ERBIN: variants seen among roughly 807,000 people sequenced by gnomAD.
ERBIN encodes erbb2 interacting protein, also known as densin-180-like protein.
ERBIN carries 60 observed loss-of-function variants against 158.4 expected under a neutral mutation model. The ratio of observed to expected loss-of-function variants is 0.38; its 90% confidence interval spans 0.31 to 0.47. The LOEUF (loss-of-function observed/expected upper bound fraction) is 0.47. Ranked by LOEUF, ERBIN falls within the 20% of genes least tolerant of loss-of-function variation. The pLI is 0.99. For missense variants in ERBIN, 1,610 were observed against 1,648.0 expected (o/e 0.98, Z 0.40); for synonymous variants, 594 against 557.2 (o/e 1.07, Z -0.93).
At chr5:65,992,654 C>T (rs1029552588) in intron 2 of ERBIN, 56 bp from the exon 3 acceptor site, 12 of 1,295,694 alleles carry the variant, frequency 9.3e-6, no homozygotes, top group Non-Finnish European at 1.2e-5. Context: ...ATGATTTGTT[C>T]TGAAAAACCG....
At chr5:66,062,559 G>A (rs193055834) in intron 21 of ERBIN, among the ~76,000 whole-genome samples, 13 of 152,184 alleles carry the variant, frequency 8.5e-5, no homozygotes, top group Non-Finnish European at 1.6e-4. Context: ...GTCATTCTCC[G>A]TCCAGCTTTG....
intron 1 of ERBIN, among the ~76,000 whole-genome samples, chr5:65,960,290 G>T (rs1223367485): frequency 6.6e-6 from 1 of 152,198 alleles, no homozygotes; most frequent in Admixed American, 6.5e-5. Flanking sequence ...GTGCAGAAAT[G>T]AGGCTATAGC....
At chr5:65,934,072 A>G (rs1335979969) in intron 1 of ERBIN, among the ~76,000 whole-genome samples, 1 of 151,864 alleles carries the variant, frequency 6.6e-6, no homozygotes, top group African/African-American at 2.4e-5. Context: ...AATTTTTTGT[A>G]TTTTTAGTAG....
chr5:65,978,617 C>T (rs901155530), intron 1 of ERBIN, among the ~76,000 whole-genome samples: 3 of 152,114 alleles, frequency 2.0e-5, no homozygotes, highest in African/African-American at 4.8e-5. Flanking sequence ...TCAGTATAGG[C>T]GGATAATATG....
intron 4 of ERBIN, among the ~76,000 whole-genome samples, chr5:66,003,699 G>T (rs1185106969): frequency 1.3e-5 from 2 of 152,064 alleles, no homozygotes; most frequent in Non-Finnish European, 2.9e-5. Context: ...AAATAGTTTT[G>T]TTCAGCAGGA....
At position 66,053,974 on chromosome 5, in the gene ERBIN, A is replaced by G; in HGVS notation, c.2656A>G (p.Ile886Val). The G allele has an allele frequency of 1.2e-6, 2 of 1,614,162 alleles. No individual in the cohort carries two copies. Among genetic ancestry groups the G allele is most frequent in the South Asian group, 1.1e-5 (1 of 91,086 alleles). Residue 886 changes from isoleucine (I) to valine (V), a missense_variant, in exon 21 of 26, where the codon ATT becomes GTT. Around this residue, in one of 2 missense-constraint regions of ERBIN, gnomAD observed 1,014 missense variants for 936.1 expected, o/e 1.08. Coordinates refer to ENST00000284037, the MANE Select transcript of ERBIN (RefSeq NM_001253697.2). Reference sequence around the variant, plus strand: ...GATTGGAGGGCTAAAAATCTATGATATTCTTAGTGATAATGGACCTCAGCA... The same window carrying G: ...GATTGGAGGGCTAAAAATCTATGATGTTCTTAGTGATAATGGACCTCAGCA... Reference protein sequence around the residue: ...MEIGGLKIYDILSDNGPQQPS... With the variant: ...MEIGGLKIYDVLSDNGPQQPS...
intron 1 of ERBIN, among the ~76,000 whole-genome samples, chr5:65,979,123 A>G (rs1333162864): frequency 6.6e-6 from 1 of 152,142 alleles, no homozygotes; most frequent in East Asian, 1.9e-4. Flanking sequence ...TCCCTGGGAA[A>G]TAACACTTAA....
chr5:65,976,428 G>A (rs976725981), intron 1 of ERBIN, among the ~76,000 whole-genome samples: 29 of 152,032 alleles, frequency 1.9e-4, no homozygotes, highest in Non-Finnish European at 3.8e-4. Flanking sequence ...AGCTGAGATC[G>A]CACCACTGTA....
At chr5:66,052,521 G>A (rs886531011) in intron 20 of ERBIN, among the ~76,000 whole-genome samples, 9 of 152,034 alleles carry the variant, frequency 5.9e-5, no homozygotes, top group Non-Finnish European at 1.0e-4. Context: ...TTATTGTTGG[G>A]AAAGCGGTAT....
chr5:65,941,894 C>T (rs971139916), intron 1 of ERBIN, among the ~76,000 whole-genome samples: 1 of 152,098 alleles, frequency 6.6e-6, no homozygotes, highest in African/African-American at 2.4e-5. Context: ...GTACCCGCCG[C>T]CACGCCTGGC....
At chr5:66,074,338 A>T (rs1490582191) in intron 22 of ERBIN, among the ~76,000 whole-genome samples, 1 of 151,090 alleles carries the variant, frequency 6.6e-6, no homozygotes, top group Non-Finnish European at 1.5e-5. Context: ...AATAATTTAA[A>T]TTTTTTTGCT....
intron 14 of ERBIN, among the ~76,000 whole-genome samples, chr5:66,033,875 G>A (rs1757129567): frequency 6.6e-6 from 1 of 152,124 alleles, no homozygotes; most frequent in Non-Finnish European, 1.5e-5. Context: ...TTGGGAGGCC[G>A]AGGCGGGTGG....
At chr5:66,068,512 T>C (rs1181342704) in intron 21 of ERBIN, among the ~76,000 whole-genome samples, 1 of 152,206 alleles carries the variant, frequency 6.6e-6, no homozygotes, top group Non-Finnish European at 1.5e-5. Flanking sequence ...AATTAATTTC[T>C]GTTCTGTATA....
At chr5:66,007,862 A>G (rs1272511704) in intron 4 of ERBIN, among the ~76,000 whole-genome samples, 1 of 152,172 alleles carries the variant, frequency 6.6e-6, no homozygotes, top group Non-Finnish European at 1.5e-5. Context: ...TCTTAGCAGC[A>G]GCTAAGGAGG....
At chr5:65,994,725 C>A (rs760438330) in intron 3 of ERBIN, 22 bp from the exon 4 acceptor site, 2 of 1,325,154 alleles carry the variant, frequency 1.5e-6, no homozygotes, top group African/African-American at 1.5e-5. Context: ...AATTGACATT[C>A]TTTCCTCCCT....
intron 18 of ERBIN, among the ~76,000 whole-genome samples, chr5:66,046,824 G>A (rs1422376043): frequency 1.3e-5 from 2 of 151,936 alleles, no homozygotes; most frequent in East Asian, 3.9e-4. Flanking sequence ...GACTACTATA[G>A]GCATACCCAA....
intron 21 of ERBIN, 142 bp from the exon 22 acceptor site, chr5:66,072,027 G>A (rs903983396): frequency 2.4e-5 from 17 of 702,758 alleles, no homozygotes; most frequent in Non-Finnish European, 3.7e-5. Context: ...ATTGATGGCA[G>A]TAATGATGGC....
intron 2 of ERBIN, among the ~76,000 whole-genome samples, chr5:65,991,188 C>T (rs1163742673): frequency 6.6e-6 from 1 of 152,132 alleles, no homozygotes; most frequent in Non-Finnish European, 1.5e-5. Flanking sequence ...CAGCTTGAGG[C>T]AAAAGGAAAA....
chr5:65,954,439 C>G (rs1746859188), intron 1 of ERBIN, among the ~76,000 whole-genome samples: 1 of 152,074 alleles, frequency 6.6e-6, no homozygotes, highest in Non-Finnish European at 1.5e-5. Context: ...TGAGAGAGCC[C>G]TTTGTTCCAT....
Sources: gnomAD v4.1 joint callset for allele counts (sites outside exome capture counted in the v4.1 genomes callset) on GRCh38, gnomAD v4.1.1 for gene constraint, gnomAD v4.1.1 regional missense constraint, MANE v1.5 for transcripts, NCBI Gene and HGNC (gene_info 2026-07-23, HGNC 2026-07-21) for gene names.